ACTR3: variants seen among roughly 807,000 people sequenced by gnomAD.
The protein encoded by ACTR3 is actin related protein 3.
Under a neutral mutation model 56.8 loss-of-function variants are expected in ACTR3, and 12 were observed. The ratio of observed to expected loss-of-function variants is 0.21; its 90% CI spans 0.14 to 0.34. The LOEUF (loss-of-function observed/expected upper bound fraction) is 0.34, where lower values mean the gene tolerates loss of function less well. Ranked by LOEUF, ACTR3 falls within the 10% of genes least tolerant of loss-of-function variation. The pLI is 1.00. For missense variants in ACTR3, 282 were observed against 512.5 expected (o/e 0.55, Z 4.34); for synonymous variants, 162 against 167.4 (o/e 0.97, Z 0.25).
chr2:113,914,593 T>G, intron 2 of ACTR3, among the ~76,000 whole-genome samples: 1 of 121,228 alleles, frequency 8.2e-6, no homozygotes, highest in African/African-American at 3.3e-5. Context: ...GCCTGGGGGG[T>G]GACAGAGCAA....
chr2:113,951,958 A>G (rs1192878471), intron 10 of ACTR3, 113 bp downstream of exon 10: 4 of 1,335,520 alleles, frequency 3.0e-6, no homozygotes, highest in Non-Finnish European at 3.1e-6. Context: ...CCTGTCAGGT[A>G]TTCTAATGGA....
At chr2:113,891,813 C>A (rs535044046) in intron 1 of ACTR3, among the ~76,000 whole-genome samples, 3 of 152,120 alleles carry the variant, frequency 2.0e-5, no homozygotes, top group African/African-American at 7.2e-5. Flanking sequence ...AGCCTTGGAA[C>A]TTCTATGTAT....
At chr2:113,945,717 T>C (rs1331788161) in intron 8 of ACTR3, among the ~76,000 whole-genome samples, 1 of 152,132 alleles carries the variant, frequency 6.6e-6, no homozygotes, top group Non-Finnish European at 1.5e-5. Flanking sequence ...TCATGGAGGT[T>C]GTACAGATTG....
intron 6 of ACTR3, among the ~76,000 whole-genome samples, chr2:113,936,591 A>G (rs1232959103): frequency 2.0e-5 from 3 of 152,094 alleles, no homozygotes; most frequent in Non-Finnish European, 2.9e-5. Flanking sequence ...TTGTTCTTAT[A>G]TTGTCATTCA....
At chr2:113,915,393 T>G (rs1243666831) in intron 2 of ACTR3, among the ~76,000 whole-genome samples, 1 of 152,210 alleles carries the variant, frequency 6.6e-6, no homozygotes, top group East Asian at 1.9e-4. Context: ...TCCCTTTCTA[T>G]GAGGACACTA....
intron 10 of ACTR3, 35 bp downstream of exon 10, chr2:113,951,880 G>C (rs1250198547): frequency 6.2e-7 from 1 of 1,608,452 alleles, no homozygotes; most frequent in South Asian, 1.1e-5. Context: ...GAAGGTTGAG[G>C]GTGCCTTCCT....
intron 1 of ACTR3, among the ~76,000 whole-genome samples, chr2:113,896,410 G>A (rs1274473212): frequency 6.6e-6 from 1 of 152,226 alleles, no homozygotes; most frequent in Non-Finnish European, 1.5e-5. Context: ...GAGATTGAAG[G>A]AGGTATAGCT....
intron 11 of ACTR3, 121 bp from the exon 12 acceptor site, chr2:113,957,239 T>C (rs1045665253): frequency 1.1e-5 from 7 of 635,578 alleles, no homozygotes; most frequent in African/African-American, 9.1e-5. Flanking sequence ...ATGAATGGAC[T>C]AATAATAAAC....
chr2:113,943,312 T>C (rs1293031097), intron 8 of ACTR3, among the ~76,000 whole-genome samples: 1 of 151,998 alleles, frequency 6.6e-6, no homozygotes, highest in Non-Finnish European at 1.5e-5. Flanking sequence ...TAGGCAGAGG[T>C]CTTAGACATG....
chr2:113,926,547 A>T (rs1679623446), intron 3 of ACTR3, among the ~76,000 whole-genome samples: 1 of 152,190 alleles, frequency 6.6e-6, no homozygotes, highest in Non-Finnish European at 1.5e-5. Context: ...ACATCTGATC[A>T]ACCTCTGGTA....
chr2:113,910,126 T>TGATTA (rs1679279980), intron 1 of ACTR3, among the ~76,000 whole-genome samples: 1 of 152,102 alleles, frequency 6.6e-6, no homozygotes, highest in South Asian at 2.1e-4. Context: ...GACCAAGGCA[T>TGATTA]GATTAGTGAG....
intron 1 of ACTR3, among the ~76,000 whole-genome samples, chr2:113,897,304 G>A (rs755050892): frequency 5.3e-5 from 8 of 151,608 alleles, no homozygotes; most frequent in Non-Finnish European, 1.2e-4. Context: ...CTTTATATCA[G>A]GAAACAACGT....
intron 10 of ACTR3, chr2:113,952,077 C>CTT: frequency 2.2e-6 from 1 of 461,522 alleles, no homozygotes; most frequent in Non-Finnish European, 3.7e-6. Context: ...TGTGGAAAGA[C>CTT]TTTTTTTTTA....
chr2:113,891,520 TTTTTTTTTCTGTGCTGATGACATC>T (rs1678896625), intron 1 of ACTR3, among the ~76,000 whole-genome samples: 1 of 151,184 alleles, frequency 6.6e-6, no homozygotes, highest in Admixed American at 6.6e-5. Flanking sequence ...AGGAAAGTGG[TTTTTTTTTCTGTGCTGATGACATC>T]TCTCCAATTC....
At position 113,962,053 on chromosome 2, in the gene ACTR3, AT is replaced by A. The variant is rs1404533312; in HGVS notation, c.*4603del. ...TTTGATGAATGAATGAGTAAAAATT[AT>A]TTTTCATGTTAAAATAAAACTTTGA... On this transcript the variant is annotated 3_prime_UTR_variant, in exon 12 of 12. Coordinates refer to ENST00000263238, the MANE Select transcript of ACTR3 (RefSeq NM_005721.5). 1.3e-5 allele frequency: 2 copies of A among 151,996 alleles called. No homozygotes were observed. Among genetic ancestry groups the A allele is most frequent in the African/African-American group, 4.8e-5 (2 of 41,426 alleles). The allele number at this position is 151,996 out of a possible 1,614,324, so 9.4% of individuals were successfully genotyped here. A position where few individuals can be genotyped will look rare whatever the true frequency, so the allele number is the denominator to read the frequency against.
intron 1 of ACTR3, among the ~76,000 whole-genome samples, chr2:113,912,167 C>T (rs191546218): frequency 3.2e-4 from 49 of 151,994 alleles, no homozygotes; most frequent in Middle Eastern, 3.4e-3. Context: ...TGAGCCACCA[C>T]GTCAGGCCCC....
chr2:113,897,351 GAAA>G, intron 1 of ACTR3, among the ~76,000 whole-genome samples: 1 of 151,358 alleles, frequency 6.6e-6, no homozygotes, highest in East Asian at 1.9e-4. Flanking sequence ...GCAAAAAAAA[GAAA>G]AAAAATTCTA....
chr2:113,897,760 C>G (rs1264615826), intron 1 of ACTR3, among the ~76,000 whole-genome samples: 3 of 152,124 alleles, frequency 2.0e-5, no homozygotes, highest in African/African-American at 7.2e-5. Context: ...CTCCTGAACT[C>G]AAGTGATCCA....
At chr2:113,912,184 A>ATT (rs71297189) in intron 1 of ACTR3, among the ~76,000 whole-genome samples, 2 of 148,796 alleles carry the variant, frequency 1.3e-5, no homozygotes, top group Non-Finnish European at 1.5e-5. Context: ...CCCCCAGCAG[A>ATT]TTTTTTTTTT....
Sources: gnomAD v4.1 joint callset for allele counts (sites outside exome capture counted in the v4.1 genomes callset) on GRCh38, gnomAD v4.1.1 for gene constraint, MANE v1.5 for transcripts, NCBI Gene and HGNC (gene_info 2026-07-23, HGNC 2026-07-21) for gene names.